The following PDE3A variants were observed in gnomAD, a reference collection of about 807,000 sequenced individuals.
The protein encoded by PDE3A is cGMP-inhibited 3',5'-cyclic phosphodiesterase 3A.
Under a neutral mutation model 98.3 loss-of-function variants are expected in PDE3A, and 43 were observed. The ratio of observed to expected loss-of-function variants is 0.44; its 90% confidence interval spans 0.34 to 0.56. The LOEUF (loss-of-function observed/expected upper bound fraction) is 0.56, where lower values mean the gene tolerates loss of function less well. Ranked by LOEUF, PDE3A falls within the 20% of genes least tolerant of loss-of-function variation. The pLI is 0.01. For missense variants in PDE3A, 1,427 were observed against 1,440.7 expected (o/e 0.99, Z 0.15); for synonymous variants, 663 against 567.9 (o/e 1.17, Z -2.38).
At chr12:20,381,789 A>C (rs964445346) in intron 1 of PDE3A, among the ~76,000 whole-genome samples, 1 of 151,910 alleles carries the variant, frequency 6.6e-6, no homozygotes, top group Non-Finnish European at 1.5e-5. Context: ...GTTATTTAAT[A>C]TCTCTGAACT....
intron 2 of PDE3A, among the ~76,000 whole-genome samples, chr12:20,571,497 G>A (rs986883183): frequency 1.3e-5 from 2 of 152,096 alleles, no homozygotes; most frequent in Non-Finnish European, 2.9e-5. Context: ...ATCTACTTCT[G>A]TACTTAGAAT....
intron 2 of PDE3A, among the ~76,000 whole-genome samples, chr12:20,582,631 G>T (rs1943096200): frequency 6.6e-6 from 1 of 152,058 alleles, no homozygotes; most frequent in Admixed American, 6.6e-5. Context: ...CATGTTGCAA[G>T]CTAGACTCTG....
intron 1 of PDE3A, among the ~76,000 whole-genome samples, chr12:20,395,648 G>GTA (rs1402502706): frequency 2.1e-5 from 3 of 144,370 alleles, no homozygotes; most frequent in Non-Finnish European, 3.0e-5. Context: ...TATACACATA[G>GTA]TATTATATAT....
At position 20,688,154 on chromosome 12, in the gene PDE3A, T is replaced by C. The variant is rs989003633; in HGVS notation, c.*7883T>C. On this transcript the variant is annotated 3_prime_UTR_variant, in exon 16 of 16. Coordinates refer to ENST00000359062, the MANE Select transcript of PDE3A (RefSeq NM_000921.5). Reference sequence around the variant, plus strand: ...TCTCGACAGACCTGAATATGTTTACTAATAACTTTGCCAAATTTTTCAACT... The same window carrying C: ...TCTCGACAGACCTGAATATGTTTACCAATAACTTTGCCAAATTTTTCAACT... 1.3e-5 allele frequency among the ~76,000 whole-genome samples: 2 copies of C among 152,020 alleles called. No homozygotes were observed. Among genetic ancestry groups the C allele is most frequent in the Non-Finnish European group, 2.9e-5 (2 of 67,952 alleles).
chr12:20,394,474 T>C (rs1943971511), intron 1 of PDE3A, among the ~76,000 whole-genome samples: 1 of 152,040 alleles, frequency 6.6e-6, no homozygotes, highest in South Asian at 2.1e-4. Flanking sequence ...AAAAGAAGTT[T>C]TGCTGTAGTT....
At chr12:20,469,396 C>A (rs1197715628) in intron 1 of PDE3A, among the ~76,000 whole-genome samples, 1 of 152,166 alleles carries the variant, frequency 6.6e-6, no homozygotes, top group African/African-American at 2.4e-5. Flanking sequence ...CCTATGCTCG[C>A]AGTCGTAGTC....
chr12:20,475,178 AGTGTGTGTGTGTGTGTGTGT>A (rs71442249), intron 1 of PDE3A, among the ~76,000 whole-genome samples: 3 of 92,456 alleles, frequency 3.2e-5, no homozygotes, highest in Non-Finnish European at 4.7e-5. Context: ...AATGTGTGTG[AGTGTGTGTGTGTGTGTGTGT>A]GTGTGTGTGT....
chr12:20,498,829 T>C (rs1565568662), intron 1 of PDE3A, among the ~76,000 whole-genome samples: 1 of 152,186 alleles, frequency 6.6e-6, no homozygotes, highest in African/African-American at 2.4e-5. Flanking sequence ...TTCCTGTTTT[T>C]CTTTTTCTCT....
At chr12:20,430,816 T>G (rs1401806544) in intron 1 of PDE3A, among the ~76,000 whole-genome samples, 1 of 152,176 alleles carries the variant, frequency 6.6e-6, no homozygotes, top group Non-Finnish European at 1.5e-5. Context: ...AGAATCATGT[T>G]GTAGTGAAGG....
chr12:20,499,578 A>C (rs1180858536), intron 1 of PDE3A, among the ~76,000 whole-genome samples: 1 of 152,202 alleles, frequency 6.6e-6, no homozygotes, highest in African/African-American at 2.4e-5. Flanking sequence ...CTTTCTTATT[A>C]ACCTTGTTCA....
intron 1 of PDE3A, among the ~76,000 whole-genome samples, chr12:20,386,267 T>G (rs1203393091): frequency 7.6e-6 from 1 of 131,394 alleles, no homozygotes; most frequent in Non-Finnish European, 1.6e-5. Context: ...ATTAATATAT[T>G]ATATTATATT....
At chr12:20,381,423 G>A (rs1399562060) in intron 1 of PDE3A, among the ~76,000 whole-genome samples, 11 of 151,766 alleles carry the variant, frequency 7.2e-5, no homozygotes, top group African/African-American at 1.9e-4. Context: ...ATATTTTATG[G>A]TCTTTTGAGG....
intron 1 of PDE3A, among the ~76,000 whole-genome samples, chr12:20,512,713 C>T (rs1273528552): frequency 2.0e-5 from 3 of 152,128 alleles, no homozygotes; most frequent in African/African-American, 7.2e-5. Context: ...TTACCATTAT[C>T]AGAGGCACCT....
chr12:20,392,110 T>G (rs1943928019), intron 1 of PDE3A, among the ~76,000 whole-genome samples: 1 of 151,904 alleles, frequency 6.6e-6, no homozygotes, highest in African/African-American at 2.4e-5. Flanking sequence ...GTATATTTTG[T>G]TTGTATCAGC....
At chr12:20,400,588 T>A (rs1944112284) in intron 1 of PDE3A, among the ~76,000 whole-genome samples, 1 of 151,860 alleles carries the variant, frequency 6.6e-6, no homozygotes, top group Non-Finnish European at 1.5e-5. Context: ...CCGGCTAAGT[T>A]TTTGTATTTT....
At chr12:20,449,793 G>A in intron 1 of PDE3A, 1 of 518,356 alleles carries the variant, frequency 1.9e-6, no homozygotes, top group Non-Finnish European at 3.5e-6. Flanking sequence ...TGGATTACTT[G>A]GTCAGTTTTG....
intron 1 of PDE3A, among the ~76,000 whole-genome samples, chr12:20,525,412 ATAATGT>A (rs1378340849): frequency 2.7e-5 from 4 of 149,798 alleles, no homozygotes; most frequent in Admixed American, 2.7e-4. Context: ...TTTAAGAATA[ATAATGT>A]TGTTGTTCCT....
In PDE3A at chr12:20,405,206, T is replaced by C. The variant is rs188463758; in HGVS notation, c.960+34962T>C. 3.0e-3 allele frequency among the ~76,000 whole-genome samples: 460 copies of C among 152,254 alleles called. 4 individuals are homozygous for C. Among genetic ancestry groups the C allele is most frequent in the Middle Eastern group, 6.8e-3 (2 of 294 alleles). On this transcript the variant is annotated intron_variant, in intron 1 of 15. Transcript: ENST00000359062. ...GCAGTTTTTCTCTATCTTTGCTGTG[T>C]GGATTTTGTCCATTCTATTATGGGT...
At chr12:20,411,281 C>T (rs1220425140) in intron 1 of PDE3A, among the ~76,000 whole-genome samples, 1 of 152,128 alleles carries the variant, frequency 6.6e-6, no homozygotes, top group Non-Finnish European at 1.5e-5. Flanking sequence ...ACACTGTACC[C>T]ACTAAGAAAT....
Sources: allele counts gnomAD v4.1 joint callset (sites outside exome capture counted in the v4.1 genomes callset), GRCh38; gene constraint gnomAD v4.1.1; transcripts MANE v1.5; gene names NCBI Gene and HGNC (gene_info 2026-07-23, HGNC 2026-07-21).